ESRRG: variants seen among roughly 807,000 people sequenced by gnomAD.
ESRRG encodes estrogen related receptor gamma, also known as estrogen-related receptor gamma.
In ESRRG, 13 loss-of-function variants were observed where a neutral mutation model predicts 44.0. That is an observed-to-expected ratio of 0.30 (90% CI 0.19 to 0.47). ESRRG has a LOEUF of 0.47. Ranked by LOEUF, ESRRG falls within the 20% of genes least tolerant of loss-of-function variation. The pLI, the probability that ESRRG is intolerant of heterozygous loss-of-function variation, is 1.00. For missense variants in ESRRG, 395 were observed against 580.6 expected (o/e 0.68, Z 3.29); for synonymous variants, 215 against 214.6 (o/e 1.00, Z -0.02).
At chr1:216,942,994 G>A (rs1015224190) in intron 1 of ESRRG, among the ~76,000 whole-genome samples, 1 of 152,078 alleles carries the variant, frequency 6.6e-6, no homozygotes, top group African/African-American at 2.4e-5. Flanking sequence ...TGTTTTGTAA[G>A]CTGATGATTG....
At chr1:217,135,010 C>T (rs2093029566) in intron 1 of ESRRG, among the ~76,000 whole-genome samples, 1 of 152,218 alleles carries the variant, frequency 6.6e-6, no homozygotes, top group African/African-American at 2.4e-5. Flanking sequence ...TCTCCTTCCT[C>T]TCCTTTCCCC....
chr1:216,990,297 G>C (rs1052679572), intron 1 of ESRRG, among the ~76,000 whole-genome samples: 1 of 152,060 alleles, frequency 6.6e-6, no homozygotes, highest in East Asian at 1.9e-4. Flanking sequence ...TGTTAAAGTT[G>C]AATAACAGCA....
At position 216,952,335 on chromosome 1, in the gene ESRRG, T is replaced by C. The variant is rs546115141; in HGVS notation, c.-105-12662A>G. On this transcript the variant is annotated intron_variant, in intron 1 of 7. Transcript: ENST00000359162. ...TAGAAGAGATAGTGGCCCTCATAGCTAATTGCCCATATTTTGCAAAGGGCA... is the reference window on the plus strand; with the variant it reads ...TAGAAGAGATAGTGGCCCTCATAGCCAATTGCCCATATTTTGCAAAGGGCA... 7.9e-5 allele frequency among the ~76,000 whole-genome samples: 12 copies of C among 152,216 alleles called. No homozygotes were observed. The South Asian group carries it at 2.5e-3, about 32-fold the overall frequency.
At chr1:217,042,869 C>T (rs2084132734) in intron 1 of ESRRG, among the ~76,000 whole-genome samples, 1 of 152,088 alleles carries the variant, frequency 6.6e-6, no homozygotes, top group African/African-American at 2.4e-5. Context: ...TTCCACTGTG[C>T]CATGAGGTAT....
chr1:216,623,250 T>G (rs979392896), intron 3 of ESRRG, among the ~76,000 whole-genome samples: 7 of 151,974 alleles, frequency 4.6e-5, no homozygotes, highest in Non-Finnish European at 7.4e-5. Flanking sequence ...GCCCGGCTAA[T>G]TTTTGTATTT....
chr1:216,838,182 C>G (rs151309946), intron 2 of ESRRG, among the ~76,000 whole-genome samples: 3 of 152,106 alleles, frequency 2.0e-5, no homozygotes, highest in African/African-American at 7.2e-5. Flanking sequence ...GCACCTGAAG[C>G]CAGGAATTGC....
intron 3 of ESRRG, among the ~76,000 whole-genome samples, chr1:216,627,086 A>C (rs760539795): frequency 1.3e-5 from 2 of 152,236 alleles, no homozygotes; most frequent in Admixed American, 6.5e-5. Flanking sequence ...ACTTGTTTCC[A>C]GAACTGGAAG....
At chr1:216,920,419 T>TGTGTGC (rs1491124506) in intron 2 of ESRRG, among the ~76,000 whole-genome samples, 5 of 57,030 alleles carry the variant, frequency 8.8e-5, no homozygotes, top group African/African-American at 1.5e-4. Flanking sequence ...TGTGTGTGTG[T>TGTGTGC]GCGCATATTT....
At chr1:217,045,604 C>A (rs1016580960) in intron 1 of ESRRG, among the ~76,000 whole-genome samples, 1 of 152,178 alleles carries the variant, frequency 6.6e-6, no homozygotes, top group Non-Finnish European at 1.5e-5. Context: ...GCCCCAGTTT[C>A]CAAGGATGGG....
chr1:216,833,983 T>C (rs934943524), intron 2 of ESRRG, among the ~76,000 whole-genome samples: 1 of 152,214 alleles, frequency 6.6e-6, no homozygotes, highest in Non-Finnish European at 1.5e-5. Context: ...TAGTTCTTCA[T>C]CTGCACAGTT....
At chr1:216,631,047 C>A (rs2064083137) in intron 3 of ESRRG, among the ~76,000 whole-genome samples, 1 of 149,872 alleles carries the variant, frequency 6.7e-6, no homozygotes, top group South Asian at 2.1e-4. Flanking sequence ...ATTTTCTGTT[C>A]TAGGAAGCTG....
intron 2 of ESRRG, among the ~76,000 whole-genome samples, chr1:216,662,203 G>T (rs2072641916): frequency 6.6e-6 from 1 of 152,244 alleles, no homozygotes; most frequent in Non-Finnish European, 1.5e-5. Context: ...GAAGTGCCCA[G>T]GTAATGGTTC....
At chr1:216,915,575 A>AAAACAAAC (rs113085137) in intron 2 of ESRRG, among the ~76,000 whole-genome samples, 278 of 152,060 alleles carry the variant, frequency 1.8e-3, no homozygotes, top group African/African-American at 5.3e-3. Flanking sequence ...CAAGATAGCT[A>AAAACAAAC]AAACAAACAA....
intron 1 of ESRRG, among the ~76,000 whole-genome samples, chr1:217,111,778 T>C (rs2092663949): frequency 6.6e-6 from 1 of 152,106 alleles, no homozygotes; most frequent in Non-Finnish European, 1.5e-5. Flanking sequence ...ATAGTCACTG[T>C]GAAAAATTAA....
chr1:216,623,695 C>T (rs1207672248), intron 3 of ESRRG, among the ~76,000 whole-genome samples: 6 of 151,906 alleles, frequency 3.9e-5, no homozygotes, highest in South Asian at 2.1e-4. Context: ...CGTTAAATAC[C>T]GACCTTTCTA....
At chr1:216,829,549 G>GTTTTTTTTTTTTT (rs66515526) in intron 2 of ESRRG, among the ~76,000 whole-genome samples, 3 of 135,634 alleles carry the variant, frequency 2.2e-5, no homozygotes, top group Non-Finnish European at 3.2e-5. Flanking sequence ...AAATGCCACA[G>GTTTTTTTTTTTTT]TTTTTTTTTT....
At chr1:217,047,971 T>C (rs961273520) in intron 1 of ESRRG, among the ~76,000 whole-genome samples, 16 of 152,294 alleles carry the variant, frequency 1.1e-4, no homozygotes, top group African/African-American at 3.8e-4. Context: ...GAGGTAGCTG[T>C]AGCAGACCAA....
rs2062978056 is a variant in ESRRG, at chr1:216,625,291, A to G, written c.589+25682T>C. 1.3e-5 allele frequency among the ~76,000 whole-genome samples: 2 copies of G among 152,030 alleles called. 1 individual carries two copies. Among genetic ancestry groups the G allele is most frequent in the South Asian group, 4.1e-4 (2 of 4,822 alleles). On this transcript the variant is annotated intron_variant, in intron 3 of 6. Transcript: ENST00000408911. ...ATATTAACTCTTAACTACCACATCT[A>G]TTCTAATGTTTCTCTAAACTGGGTC...
chr1:216,650,305 G>A (rs2068634954), intron 3 of ESRRG, among the ~76,000 whole-genome samples: 1 of 152,156 alleles, frequency 6.6e-6, no homozygotes, highest in Non-Finnish European at 1.5e-5. Context: ...AATTTCACTA[G>A]AAATGATGAA....
Sources: allele counts gnomAD v4.1 joint callset (sites outside exome capture counted in the v4.1 genomes callset), GRCh38; gene constraint gnomAD v4.1.1; transcripts MANE v1.5; gene names NCBI Gene and HGNC (gene_info 2026-07-23, HGNC 2026-07-21).